Variants in MEIOC observed in about 807,000 individuals in gnomAD.
MEIOC encodes the protein meiosis-specific coiled-coil domain-containing protein MEIOC.
A neutral mutation model predicts 85.3 loss-of-function variants in MEIOC; 9 were observed. The observed-to-expected ratio is 0.11, with a 90% CI of 0.06 to 0.18. The LOEUF is 0.18. Ranked by LOEUF, MEIOC falls within the 10% of genes least tolerant of loss-of-function variation. The pLI is 1.00. For synonymous variants in MEIOC, 365 were observed against 393.7 expected (o/e 0.93, Z 0.86); for missense variants, 898 against 1,129.4 (o/e 0.80, Z 2.94).
At chr17:44,658,615 C>T (rs1479402004) in intron 2 of MEIOC, among the ~76,000 whole-genome samples, 1 of 151,028 alleles carries the variant, frequency 6.6e-6, no homozygotes, top group Non-Finnish European at 1.5e-5. Flanking sequence ...GCCAACATGG[C>T]GAAACCCCAT....
rs1043815885 is a variant in MEIOC, at chr17:44,656,519, G to A, written c.-95G>A. 19 of 1,040,768 alleles carry A rather than the reference G, an allele frequency of 1.8e-5. No homozygotes were observed. Among genetic ancestry groups the A allele is most frequent in the Non-Finnish European group, 2.4e-5 (19 of 777,328 alleles). The allele number at this position is 1,040,768 out of a possible 1,614,324, so 64.5% of individuals were successfully genotyped here. Reference sequence around the variant, plus strand: ...GGCGGAGGCGGCTGCGGAGACGGCGGGGTGCGGGCTGAGGGAGCCGGGCCT... The same window carrying A: ...GGCGGAGGCGGCTGCGGAGACGGCGAGGTGCGGGCTGAGGGAGCCGGGCCT... On this transcript the variant is annotated 5_prime_UTR_variant, in exon 1 of 8. Coordinates refer to ENST00000409122, the MANE Select transcript of MEIOC (RefSeq NM_001145080.3).
chr17:44,664,725 C>T (rs1971883699), intron 3 of MEIOC, among the ~76,000 whole-genome samples: 1 of 152,148 alleles, frequency 6.6e-6, no homozygotes, highest in Non-Finnish European at 1.5e-5. Flanking sequence ...CAATCTTCCA[C>T]GTGCTTGTGG....
In MEIOC at chr17:44,659,845, A is replaced by T. The variant is rs535361687; in HGVS notation, c.205-2472A>T. Among the ~76,000 whole-genome samples the T allele has an allele frequency of 2.6e-5, 4 of 152,352 alleles. No homozygotes were observed. The East Asian group carries it at 7.7e-4, about 29-fold the overall frequency. On this transcript the variant is annotated intron_variant, in intron 2 of 7. Transcript: ENST00000409122. ...GGAAAGAAAGATAAAAAGCCTTTGT[A>T]AAAGTTGCTGCTAACCAACAAATTC...
downstream of MEIOC, chr17:44,676,356 G>A (rs1035670545): frequency 2.6e-5 from 4 of 152,114 alleles, no homozygotes; most frequent in Non-Finnish European, 4.4e-5. Context: ...AAAGAACTTG[G>A]TGTACTCATT....
At chr17:44,660,707 T>C (rs995290350) in intron 2 of MEIOC, among the ~76,000 whole-genome samples, 16 of 152,190 alleles carry the variant, frequency 1.1e-4, no homozygotes, top group African/African-American at 3.6e-4. Context: ...GAATAAACAA[T>C]GTATAAATTA....
chr17:44,664,578 A>T (rs2144663773), intron 3 of MEIOC, among the ~76,000 whole-genome samples: 1 of 152,288 alleles, frequency 6.6e-6, no homozygotes, highest in East Asian at 1.9e-4. Flanking sequence ...TTTGGAGTAT[A>T]ATGTATATTT....
intron 2 of MEIOC, among the ~76,000 whole-genome samples, chr17:44,657,787 G>A (rs1250989361): frequency 6.6e-6 from 1 of 151,732 alleles, no homozygotes; most frequent in African/African-American, 2.4e-5. Flanking sequence ...TCCCAACCTC[G>A]GGTGATCCGC....
In MEIOC at chr17:44,674,254, A is replaced by T; in HGVS notation, c.*58A>T. On this transcript the variant is annotated 3_prime_UTR_variant, in exon 8 of 8. Transcript: ENST00000409122. Reference sequence around the variant, plus strand: ...GATAAATATACCAAGACATGCTAAAAATGTTTTAATGAACTTGTCAAACTT... The same window carrying T: ...GATAAATATACCAAGACATGCTAAATATGTTTTAATGAACTTGTCAAACTT... 1 of 1,483,658 alleles carries T rather than the reference A, an allele frequency of 6.7e-7. No individual in the cohort carries two copies. Among genetic ancestry groups the T allele is most frequent in the Non-Finnish European group, 9.0e-7 (1 of 1,117,310 alleles). The allele number at this position is 1,483,658 out of a possible 1,614,324, so 91.9% of individuals were successfully genotyped here. A position where few individuals can be genotyped will look rare whatever the true frequency, so the allele number is the denominator to read the frequency against.
At chr17:44,658,198 A>G (rs1971792104) in intron 2 of MEIOC, among the ~76,000 whole-genome samples, 1 of 141,440 alleles carries the variant, frequency 7.1e-6, no homozygotes, top group Non-Finnish European at 1.5e-5. Flanking sequence ...TCTGTCGCCC[A>G]GGCTGGAGTG....
At position 44,666,512 on chromosome 17, in the gene MEIOC, G is replaced by C; in HGVS notation, c.601G>C (p.Val201Leu). 6.2e-7 allele frequency: 1 copy of C among 1,606,218 alleles called. No homozygotes were observed. Among genetic ancestry groups the C allele is most frequent in the Non-Finnish European group, 8.5e-7 (1 of 1,175,890 alleles). The stretch of plus-strand genomic sequence containing the variant: ...GCAAGCTTTTTATAGTGATGAATCT[G>C]TGTCAGCAATGGAAAAGCAATACCT... ...SQQAFYSDES[V>L]SAMEKQYLRN... Residue 201 changes from valine to leucine, a missense_variant, in exon 5 of 8, where the codon GTG becomes CTG. Coordinates refer to ENST00000409122, the MANE Select transcript of MEIOC (RefSeq NM_001145080.3).
chr17:44,663,929 CGAAT>C (rs1971874194), intron 3 of MEIOC, among the ~76,000 whole-genome samples: 2 of 151,958 alleles, frequency 1.3e-5, no homozygotes, highest in Non-Finnish European at 2.9e-5. Flanking sequence ...CAGATAATAA[CGAAT>C]GATTACTAAT....
In MEIOC at chr17:44,657,024, G is replaced by C. The variant is rs1183399332; in HGVS notation, c.70-103G>C. 2.2e-6 allele frequency: 3 copies of C among 1,362,500 alleles called. No homozygotes were observed. In the African/African-American group the frequency reaches 4.3e-5, roughly 20 times the overall value. The allele number at this position is 1,362,500 out of a possible 1,614,324, so 84.4% of individuals were successfully genotyped here. On this transcript the variant is annotated intron_variant, in intron 1 of 7. Transcript: ENST00000409122. ...CATTCGTGTCCTCTGAGAGGGTTCG[G>C]AATTGAGCCGAACAGCCGAGGTAGA...
chr17:44,667,923 T>C lies in MEIOC; in HGVS notation c.2012T>C (p.Met671Thr). 6.2e-7 allele frequency: 1 copy of C among 1,613,882 alleles called. No homozygotes were observed. The highest frequency in any genetic ancestry group is 8.5e-7 in the Non-Finnish European group (1 of 1,179,832). ...TCATGCTTTTCTAATAATTATATGATGGGAGATTTAAGGCATAATCAGTGT... is the reference window on the plus strand; with the variant it reads ...TCATGCTTTTCTAATAATTATATGACGGGAGATTTAAGGCATAATCAGTGT... The part of the protein sequence containing the change: ...QVSCFSNNYM[M>T]GDLRHNQCFQ... Residue 671 changes from methionine to threonine, a missense_variant, in exon 5 of 8, where the codon ATG (methionine) becomes ACG (threonine). By Grantham distance (81) the Met-to-Thr change is moderately conservative. Around this residue, in one of 2 missense-constraint regions of MEIOC, gnomAD observed 734 missense variants for 860.1 expected, o/e 0.85. Transcript: ENST00000409122.
At chr17:44,664,478 C>T (rs1342575963) in intron 3 of MEIOC, among the ~76,000 whole-genome samples, 1 of 152,120 alleles carries the variant, frequency 6.6e-6, no homozygotes, top group African/African-American at 2.4e-5. Context: ...TTTTTGAGTG[C>T]TGACATGATG....
downstream of MEIOC, chr17:44,676,917 C>A: frequency 1.0e-6 from 1 of 982,578 alleles, no homozygotes; most frequent in Non-Finnish European, 1.2e-6. Flanking sequence ...AAACTCAAAG[C>A]CTAATGAGCT....
chr17:44,658,921 AAT>A (rs1331184823), intron 2 of MEIOC, among the ~76,000 whole-genome samples: 1 of 152,286 alleles, frequency 6.6e-6, no homozygotes, highest in East Asian at 1.9e-4. Context: ...GTAAGATTAA[AAT>A]ATGTTTTTTT....
intron 3 of MEIOC, among the ~76,000 whole-genome samples, chr17:44,662,792 C>G (rs1345209308): frequency 6.6e-6 from 1 of 152,170 alleles, no homozygotes; most frequent in African/African-American, 2.4e-5. Context: ...GCTGGGACTA[C>G]AGGTATGCAC....
chr17:44,661,720 A>G (rs753111600), intron 2 of MEIOC, among the ~76,000 whole-genome samples: 2 of 151,842 alleles, frequency 1.3e-5, no homozygotes, highest in African/African-American at 2.4e-5. Flanking sequence ...ACAGCTGGCT[A>G]ATTTTTTGTA....
At chr17:44,677,038 T>A, downstream of MEIOC, 3 of 778,668 alleles carry the variant, frequency 3.9e-6, no homozygotes, top group Non-Finnish European at 4.7e-6. Flanking sequence ...ACAAGTACCC[T>A]TCAGGGGACC....
Sources: gnomAD v4.1 joint callset for allele counts (sites outside exome capture counted in the v4.1 genomes callset) on GRCh38, gnomAD v4.1.1 for gene constraint, gnomAD v4.1.1 regional missense constraint, MANE v1.5 for transcripts, NCBI Gene and HGNC (gene_info 2026-07-23, HGNC 2026-07-21) for gene names.